Variants in ABCA5 observed in about 807,000 individuals in gnomAD.
ABCA5 encodes ATP binding cassette subfamily A member 5, also known as cholesterol transporter ABCA5.
Under a neutral mutation model 206.0 loss-of-function variants are expected in ABCA5, and 163 were observed. That is an observed-to-expected ratio of 0.79 (90% CI 0.70 to 0.90). The LOEUF is 0.90. ABCA5 is among the 40% of genes least tolerant of loss of function. The probability of loss-of-function intolerance (pLI) is 0.00; values close to 1 mark genes in which losing one functional copy is unlikely to be tolerated. For missense variants in ABCA5, 1,859 were observed against 1,912.9 expected, an observed-to-expected ratio of 0.97 and a Z score of 0.53; for synonymous variants, 609 against 613.8, an observed-to-expected ratio of 0.99 and a Z score of 0.11.
At chr17:69,278,970 T>G (rs2075362038) in intron 18 of ABCA5, among the ~76,000 whole-genome samples, 1 of 151,340 alleles carries the variant, frequency 6.6e-6, no homozygotes, top group South Asian at 2.1e-4. Flanking sequence ...CTTTGAAAAC[T>G]GGCACAAGAC....
intron 22 of ABCA5, among the ~76,000 whole-genome samples, chr17:69,269,767 A>C (rs912384209): frequency 6.6e-6 from 1 of 152,230 alleles, no homozygotes; most frequent in African/African-American, 2.4e-5. Context: ...CGTGTTACAA[A>C]ACAGATGAAT....
intron 9 of ABCA5, among the ~76,000 whole-genome samples, chr17:69,298,430 C>CA (rs1346922698): frequency 6.6e-6 from 1 of 152,148 alleles, no homozygotes; most frequent in African/African-American, 2.4e-5. Context: ...AAAATACCTA[C>CA]ACTCCTCATT....
At chr17:69,260,037 TTTA>T (rs2075129426) in intron 27 of ABCA5, among the ~76,000 whole-genome samples, 1 of 151,804 alleles carries the variant, frequency 6.6e-6, no homozygotes, top group Non-Finnish European at 1.5e-5. Context: ...GTATCATTCA[TTTA>T]TTGTCAGCTT....
At chr17:69,316,473 T>C (rs1193618578) in intron 1 of ABCA5, among the ~76,000 whole-genome samples, 1 of 145,616 alleles carries the variant, frequency 6.9e-6, no homozygotes, top group Non-Finnish European at 1.5e-5. Context: ...GGTGACAAAG[T>C]GAGGCCCTGT....
intron 5 of ABCA5, among the ~76,000 whole-genome samples, chr17:69,308,052 A>G (rs2075735894): frequency 6.6e-6 from 1 of 152,190 alleles, no homozygotes. Flanking sequence ...CAAAAGTAAG[A>G]TTTTTAAAAA....
intron 11 of ABCA5, among the ~76,000 whole-genome samples, chr17:69,294,374 T>C (rs1362999362): frequency 6.6e-6 from 1 of 151,800 alleles, no homozygotes; most frequent in Non-Finnish European, 1.5e-5. Flanking sequence ...ATACAAAAAT[T>C]AGCTGGGCAT....
intron 19 of ABCA5, among the ~76,000 whole-genome samples, chr17:69,274,740 C>T (rs192432044): frequency 1.2e-3 from 189 of 151,698 alleles, no homozygotes; most frequent in Non-Finnish European, 1.1e-3. Context: ...TATGTAAACA[C>T]GTAGTTATAA....
intron 36 of ABCA5, 110 bp from the exon 37 acceptor site, chr17:69,250,094 G>C (rs1224038825): frequency 1.4e-6 from 1 of 711,164 alleles, no homozygotes; most frequent in Non-Finnish European, 2.1e-6. Flanking sequence ...AACTTATTTT[G>C]GTATTTAGTT....
chr17:69,304,860 A>T, intron 6 of ABCA5, 50 bp from the exon 7 acceptor site: 2 of 1,403,876 alleles, frequency 1.4e-6, no homozygotes, highest in South Asian at 1.8e-5. Flanking sequence ...AGGCTTAACC[A>T]GTTAAAAAAT....
intron 38 of ABCA5, 105 bp from the exon 39 acceptor site, chr17:69,247,749 C>T (rs2074967891): frequency 1.8e-6 from 1 of 546,714 alleles, no homozygotes; most frequent in South Asian, 3.2e-5. Flanking sequence ...GTTATATCAA[C>T]AAGTATCAAG....
chr17:69,320,567 G>A (rs1030093610), intron 1 of ABCA5, among the ~76,000 whole-genome samples: 1 of 152,060 alleles, frequency 6.6e-6, no homozygotes, highest in African/African-American at 2.4e-5. Flanking sequence ...CTGATCACTG[G>A]TTTTCTTCAT....
chr17:69,319,792 T>C (rs1422994138), intron 1 of ABCA5, among the ~76,000 whole-genome samples: 1 of 152,226 alleles, frequency 6.6e-6, no homozygotes, highest in Non-Finnish European at 1.5e-5. Context: ...AGCTAACCAG[T>C]ATCAGATTCT....
Position 69,287,734 on chromosome 17 carries a change from T to C in ABCA5, c.1920A>G (p.Glu640=). ...AACAGGGGTCCATTCCAGCTGTTGGTTCATCTAGCAGCAGTATCTGTGTGA... is the reference window on the plus strand; with the variant it reads ...AACAGGGGTCCATTCCAGCTGTTGGCTCATCTAGCAGCAGTATCTGTGTGA... ...LGNPKILLLD[E]PTAGMDPCSR... is the part of the protein sequence containing the mutation. Residue 640 remains glutamate, a synonymous_variant, in exon 15 of 39, where the codon GAA becomes GAG. Transcript: ENST00000392676. 6.2e-7 allele frequency: 1 copy of C among 1,613,358 alleles called. No individual in the cohort carries two copies. The highest frequency in any genetic ancestry group is 8.5e-7 in the Non-Finnish European group (1 of 1,179,670).
chr17:69,280,463 G>A (rs2075379774), intron 18 of ABCA5, among the ~76,000 whole-genome samples: 1 of 150,594 alleles, frequency 6.6e-6, no homozygotes, highest in South Asian at 2.1e-4. Flanking sequence ...AACCATTGTG[G>A]AAGTCAGTGT....
chr17:69,289,027 A>T, intron 14 of ABCA5, 150 bp downstream of exon 14: 2 of 814,312 alleles, frequency 2.5e-6, no homozygotes, highest in Non-Finnish European at 3.5e-6. Context: ...CTTCACTTTT[A>T]AAATCTCATT....
intron 28 of ABCA5, among the ~76,000 whole-genome samples, chr17:69,258,911 T>C (rs1183631319): frequency 6.6e-6 from 1 of 152,000 alleles, no homozygotes; most frequent in Non-Finnish European, 1.5e-5. Flanking sequence ...AAAAACAAAT[T>C]AGCTAATATA....
At chr17:69,268,510 ACTT>A (rs746217582) in intron 22 of ABCA5, among the ~76,000 whole-genome samples, 2 of 151,920 alleles carry the variant, frequency 1.3e-5, no homozygotes, top group South Asian at 4.2e-4. Flanking sequence ...TGGAACTAGA[ACTT>A]CTTCTCCCAA....
At chr17:69,305,712 A>G (rs900046307) in intron 6 of ABCA5, among the ~76,000 whole-genome samples, 2 of 152,082 alleles carry the variant, frequency 1.3e-5, no homozygotes, top group Non-Finnish European at 2.9e-5. Context: ...CCCTACAAAA[A>G]AATTGAAAAT....
chr17:69,323,536 T>C (rs2075879681), intron 1 of ABCA5, among the ~76,000 whole-genome samples: 1 of 152,242 alleles, frequency 6.6e-6, no homozygotes, highest in Admixed American at 6.5e-5. Context: ...AACATTGACA[T>C]GGAGCTGATT....
Sources: gnomAD v4.1 joint callset for allele counts (sites outside exome capture counted in the v4.1 genomes callset) on GRCh38, gnomAD v4.1.1 for gene constraint, MANE v1.5 for transcripts, NCBI Gene and HGNC (gene_info 2026-07-23, HGNC 2026-07-21) for gene names.